The following MUC4 variants were observed in gnomAD, a reference collection of about 807,000 sequenced individuals.
MUC4 encodes the protein mucin-4.
MUC4 carries 202 observed loss-of-function variants against 257.9 expected under a neutral mutation model. The ratio of observed to expected loss-of-function variants is 0.78; its 90% confidence interval spans 0.70 to 0.88. MUC4 has a LOEUF of 0.88. MUC4 is among the 40% of genes least tolerant of loss of function. The pLI is 0.00. For synonymous variants in MUC4, 2,351 were observed against 2,757.1 expected, an observed-to-expected ratio of 0.85 and a Z score of 4.62; for missense variants, 5,976 against 6,513.7, an observed-to-expected ratio of 0.92 and a Z score of 2.84.
In MUC4 at chr3:195,752,383, A is replaced by G; in HGVS notation, c.15572T>C (p.Val5191Ala). 6.2e-7 allele frequency: 1 copy of G among 1,613,658 alleles called. No individual in the cohort carries two copies. Among genetic ancestry groups the G allele is most frequent in the Non-Finnish European group, 8.5e-7 (1 of 1,179,554 alleles). ...SEEENASMAEVNASVAYRLGT... is the reference protein window; with the variant it reads ...SEEENASMAEANASVAYRLGT... ...GCCTGCAGCACTGACCGAGGCGTTG[A>G]CTTCTGCCATGGAGGCATTTTCCTC... Residue 5191 changes from valine to alanine, a missense_variant, in exon 21 of 25, where the codon GTC (valine) becomes GCC (alanine). By Grantham distance (64) the Val-to-Ala change is moderately conservative. This residue lies in a region of MUC4 where 996 missense variants were observed against 1,137.3 expected (regional missense o/e 0.88). Coordinates refer to ENST00000463781, the MANE Select transcript of MUC4 (RefSeq NM_018406.7).
intron 7 of MUC4, among the ~76,000 whole-genome samples, chr3:195,767,627 CCAT>C (rs753690397): frequency 2.5e-5 from 3 of 118,116 alleles, no homozygotes; most frequent in Admixed American, 7.8e-5. Flanking sequence ...ACCATCACCA[CCAT>C]CACCACCACC....
chr3:195,753,182 T>C lies in MUC4; in HGVS notation c.15377A>G (p.Tyr5126Cys), dbSNP rs1417349538. The C allele has an allele frequency of 6.2e-7, 1 of 1,613,682 alleles. No individual in the cohort carries two copies. Among genetic ancestry groups the C allele is most frequent in the Non-Finnish European group, 8.5e-7 (1 of 1,179,840 alleles). The change falls in exon 20 of 25, where the codon TAC becomes TGC. Residue 5126 changes from tyrosine to cysteine, a missense_variant. By Grantham distance (194) the Tyr-to-Cys change is radical (BLOSUM62 -2). Around this residue, in one of 44 missense-constraint regions of MUC4, gnomAD observed 996 missense variants for 1,137.3 expected, o/e 0.88. Coordinates refer to ENST00000463781, the MANE Select transcript of MUC4 (RefSeq NM_018406.7). ...LCQNQSCPVN[Y>C]CYNQGHCYIS... is the part of the protein sequence containing the mutation. ...GTAGCAGTGGCCTTGATTGTAGCAG[T>C]AATTCACAGGGCAGGACTGGTTCTG...
Position 195,791,301 on chromosome 3 carries a change from G to A in MUC4, c.279C>T (p.Leu93=), listed in dbSNP as rs1431461730. ...AAAGAGTTGATGTCATCATCTGCGT[G>A]AGGGTGTCGGTTTGAGCTTTGCTGG... ...ETTSKAQTDT[L]TQMMTSTLFS... is the part of the protein sequence containing the mutation. Residue 93 remains leucine (L), a synonymous_variant, in exon 2 of 25, where the codon CTC becomes CTT. Transcript: ENST00000463781. 6.2e-7 allele frequency: 1 copy of A among 1,613,710 alleles called. No individual in the cohort carries two copies. The highest frequency in any genetic ancestry group is 2.2e-5 in the East Asian group (1 of 44,858).
intron 7 of MUC4, among the ~76,000 whole-genome samples, chr3:195,767,474 T>TCGC (rs1720858975): frequency 6.0e-5 from 3 of 49,670 alleles, no homozygotes; most frequent in Non-Finnish European, 1.5e-4. Flanking sequence ...ACCACCACCA[T>TCGC]CACCATCACC....
rs746663291 is a variant in MUC4 at position 195,811,702 on chromosome 3, G to A, written c.82+34C>T. The stretch of plus-strand genomic sequence containing the variant: ...CTCCCACCTCCCCCAAGTGCTCCCC[G>A]CAGCCAGCCTCATCTGCTGTCTCCA... On this transcript the variant is annotated intron_variant, in intron 1 of 24. Coordinates refer to ENST00000463781, the MANE Select transcript of MUC4 (RefSeq NM_018406.7). 49 of 1,600,830 alleles carry A rather than the reference G, an allele frequency of 3.1e-5. 1 individual carries two copies. The highest frequency in any genetic ancestry group is 2.2e-4 in the Admixed American group (13 of 59,778).
rs560551664 is a variant in MUC4, at chr3:195,802,509, C to G, written c.82+9227G>C. 7.6e-5 allele frequency among the ~76,000 whole-genome samples: 11 copies of G among 145,210 alleles called. No homozygotes were observed. The South Asian group carries it at 2.4e-3, about 31-fold the overall frequency. ...TTTGGAAAATGGCCTGCCCTGCCTG[C>G]CCTGGAAGGTGTCTGGTAGGTCCTG... On this transcript the variant is annotated intron_variant, in intron 1 of 24. Transcript: ENST00000463781.
Position 195,787,819 on chromosome 3 carries a change from GTGTC to G in MUC4, c.3757_3760del (p.Asp1253LeufsTer190). On this transcript the variant is annotated frameshift_variant, in exon 2 of 25. Transcript: ENST00000463781. LOFTEE classifies it high-confidence loss of function. ...GGCCTGACCTGTGGATGCTGAGGAAGTGTCGGTGACAGGAAGAGGGGTGGTGTGA... is the reference window on the plus strand; with the variant it reads ...GGCCTGACCTGTGGATGCTGAGGAAGGGTGACAGGAAGAGGGGTGGTGTGA... The G allele has an allele frequency of 3.5e-6, 2 of 569,114 alleles. No individual in the cohort carries two copies. Among genetic ancestry groups the G allele is most frequent in the South Asian group, 2.0e-5 (1 of 50,644 alleles). 35.3% of individuals were successfully genotyped at this position (569,114 alleles called of 1,614,324 possible).
intron 7 of MUC4, among the ~76,000 whole-genome samples, chr3:195,767,979 C>A (rs558202947): frequency 1.3e-5 from 2 of 151,940 alleles, no homozygotes; most frequent in Admixed American, 1.3e-4. Context: ...ATCGCCATCA[C>A]CGTCCCCAGG....
intron 23 of MUC4, chr3:195,750,228 G>A (rs1716095754): frequency 6.5e-6 from 1 of 153,424 alleles, no homozygotes; most frequent in Admixed American, 6.5e-5. Context: ...GGAAAACCGG[G>A]GGCTGTCAGC....
At chr3:195,763,323 C>T (rs1010254528) in intron 12 of MUC4, 110 bp downstream of exon 12, 9 of 1,154,188 alleles carry the variant, frequency 7.8e-6, no homozygotes, top group Non-Finnish European at 9.2e-6. Flanking sequence ...TCCTCCCTCC[C>T]TCCTGCCCGG....
chr3:195,809,882 G>A (rs972753005), intron 1 of MUC4: 6 of 152,284 alleles, frequency 3.9e-5, no homozygotes, highest in African/African-American at 1.4e-4. Context: ...GAGACACGGG[G>A]CAGGGCCTGG....
rs533971620 is a variant in MUC4, at chr3:195,760,947, C to T, written c.14785G>A (p.Ala4929Thr). 131 of 1,614,116 alleles carry T rather than the reference C, an allele frequency of 8.1e-5. No homozygotes were observed. Among genetic ancestry groups the T allele is most frequent in the Non-Finnish European group, 1.0e-4 (123 of 1,180,048 alleles). The change falls in exon 16 of 25, where the codon GCA (alanine) becomes ACA (threonine). Residue 4929 changes from alanine (A) to threonine (T), a missense_variant. Physicochemically the swap from Ala to Thr is moderately conservative, Grantham distance 58. This residue lies in a region of MUC4 where 996 missense variants were observed against 1,137.3 expected (regional missense o/e 0.88). Transcript: ENST00000463781. The part of the protein sequence containing the change: ...CIYDTLALRN[A>T]SIGLHTREVS... ...TCCCTCGTGTGAAGTCCGATGCTTG[C>T]GTTGCGCAGGGCCAGGGTGTCATAG...
At chr3:195,773,491 CTAT>C (rs1723615849) in intron 4 of MUC4, among the ~76,000 whole-genome samples, 2 of 148,470 alleles carry the variant, frequency 1.3e-5, no homozygotes, top group Non-Finnish European at 3.0e-5. Flanking sequence ...CACCCTCTCT[CTAT>C]CACTCAGCAG....
At chr3:195,795,610 A>G (rs1734470108) in intron 1 of MUC4, among the ~76,000 whole-genome samples, 1 of 152,176 alleles carries the variant, frequency 6.6e-6, no homozygotes, top group Non-Finnish European at 1.5e-5. Flanking sequence ...GAAAAAGGAA[A>G]GGAAGCAAGA....
intron 1 of MUC4, among the ~76,000 whole-genome samples, chr3:195,807,207 C>A (rs1736087524): frequency 6.6e-6 from 1 of 152,216 alleles, no homozygotes; most frequent in South Asian, 2.1e-4. Flanking sequence ...CAGTAGCTCA[C>A]GCCTATAATC....
At chr3:195,767,585 TCACCACCACCACCATCATC>T in intron 7 of MUC4, among the ~76,000 whole-genome samples, 1 of 58,742 alleles carries the variant, frequency 1.7e-5, no homozygotes, top group Non-Finnish European at 3.3e-5. Context: ...ACCACCACCA[TCACCACCACCACCATCATC>T]ACCATTGCCA....
At chr3:195,752,494 A>C in intron 20 of MUC4, 48 bp from the exon 21 acceptor site, 1 of 1,557,174 alleles carries the variant, frequency 6.4e-7, no homozygotes, top group East Asian at 2.2e-5. Flanking sequence ...GTTTACCCAG[A>C]CTTACCCAAA....
intron 11 of MUC4, 57 bp from the exon 12 acceptor site, chr3:195,763,698 T>C: frequency 4.3e-6 from 6 of 1,405,758 alleles, no homozygotes; most frequent in Non-Finnish European, 5.7e-6. Flanking sequence ...AGGGCTGAGG[T>C]TCCTCACTGC....
chr3:195,804,138 G>A (rs941690538), intron 1 of MUC4, among the ~76,000 whole-genome samples: 1 of 152,192 alleles, frequency 6.6e-6, no homozygotes, highest in African/African-American at 2.4e-5. Flanking sequence ...ACTGGCGTTG[G>A]CACTGAGGTA....
Sources: gnomAD v4.1 joint callset for allele counts (sites outside exome capture counted in the v4.1 genomes callset) on GRCh38, gnomAD v4.1.1 for gene constraint, gnomAD v4.1.1 regional missense constraint, MANE v1.5 for transcripts, NCBI Gene and HGNC (gene_info 2026-07-23, HGNC 2026-07-21) for gene names.